The following CEP85L variants were observed in gnomAD, a reference collection of about 807,000 sequenced individuals.
The protein encoded by CEP85L is centrosomal protein 85L.
In CEP85L, 60 loss-of-function variants were observed where a neutral mutation model predicts 100.3. The ratio of observed to expected loss-of-function variants is 0.60; its 90% confidence interval spans 0.49 to 0.74. The LOEUF (loss-of-function observed/expected upper bound fraction) is 0.74, where lower values mean the gene tolerates loss of function less well. Ranked by LOEUF, CEP85L falls within the 30% of genes least tolerant of loss-of-function variation. The pLI is 0.00. For missense variants in CEP85L, 973 were observed against 936.2 expected (o/e 1.04, Z -0.51); for synonymous variants, 319 against 322.7 (o/e 0.99, Z 0.12).
At chr6:118,578,775 C>T (rs951372946) in intron 2 of CEP85L, among the ~76,000 whole-genome samples, 3 of 152,170 alleles carry the variant, frequency 2.0e-5, no homozygotes, top group Admixed American at 1.3e-4. Flanking sequence ...GGTGTGCTCT[C>T]GCGAGCGTGA....
chr6:118,591,301 A>G (rs1781176813), intron 2 of CEP85L, among the ~76,000 whole-genome samples: 1 of 152,054 alleles, frequency 6.6e-6, no homozygotes, highest in Admixed American at 6.5e-5. Context: ...CCAAGTAACA[A>G]AAGTACCAGA....
chr6:118,565,612 T>G lies in CEP85L; in HGVS notation c.937A>C (p.Asn313His). Residue 313 changes from asparagine to histidine, a missense_variant, in exon 3 of 13, where the codon AAT becomes CAT. Physicochemically the swap from Asn to His is moderately conservative, Grantham distance 68. Coordinates refer to ENST00000368491, the MANE Select transcript of CEP85L (RefSeq NM_001042475.3). Reference sequence around the variant, plus strand: ...GCTAAACTGTAAGAATCCTCTGTATTTCTACCTTCCAAAGGATTTGTCCGC... The same window carrying G: ...GCTAAACTGTAAGAATCCTCTGTATGTCTACCTTCCAAAGGATTTGTCCGC... ...QLRTNPLEGR[N>H]TEDSYSLAPW... The G allele has an allele frequency of 5.0e-6, 8 of 1,614,226 alleles. No homozygotes were observed. Among genetic ancestry groups the G allele is most frequent in the Non-Finnish European group, 6.8e-6 (8 of 1,180,018 alleles).
intron 2 of CEP85L, among the ~76,000 whole-genome samples, chr6:118,614,190 A>G (rs1772859538): frequency 6.6e-6 from 1 of 152,210 alleles, no homozygotes; most frequent in Non-Finnish European, 1.5e-5. Context: ...CATGATAAAA[A>G]CCCTCTGCAA....
At chr6:118,469,884 G>C (rs1268818459) in intron 11 of CEP85L, among the ~76,000 whole-genome samples, 1 of 152,148 alleles carries the variant, frequency 6.6e-6, no homozygotes, top group Non-Finnish European at 1.5e-5. Flanking sequence ...TAGGATTACA[G>C]GTGTGAGCCA....
chr6:118,470,921 T>C (rs915667783), intron 10 of CEP85L, among the ~76,000 whole-genome samples: 2 of 152,166 alleles, frequency 1.3e-5, no homozygotes, highest in Admixed American at 6.5e-5. Flanking sequence ...GTATAAAACA[T>C]GTCAAATCTG....
intron 3 of CEP85L, among the ~76,000 whole-genome samples, chr6:118,564,126 C>G (rs902775645): frequency 2.1e-5 from 3 of 140,070 alleles, no homozygotes; most frequent in Non-Finnish European, 3.3e-5. Flanking sequence ...AACCTCCCTA[C>G]CCTCCTCTGC....
intron 11 of CEP85L, 59 bp from the exon 12 acceptor site, chr6:118,469,362 C>T (rs977558330): frequency 1.3e-5 from 18 of 1,338,724 alleles, no homozygotes; most frequent in Non-Finnish European, 1.9e-5. Flanking sequence ...GTACTCAAAG[C>T]CATACAGGTT....
intron 2 of CEP85L, among the ~76,000 whole-genome samples, chr6:118,600,425 A>G (rs952309145): frequency 2.0e-5 from 3 of 146,962 alleles, no homozygotes; most frequent in Admixed American, 7.0e-5. Context: ...GGTTCAAGCA[A>G]TTCTCCTGTC....
In CEP85L at chr6:118,538,249, ATAATCT is replaced by A. The variant is rs1324810830; in HGVS notation, c.1021-14335_1021-14330del. On this transcript the variant is annotated intron_variant, in intron 3 of 12. Coordinates refer to ENST00000368491, the MANE Select transcript of CEP85L (RefSeq NM_001042475.3). ...TATATTATAGAAGAAACTGTTTTTA[ATAATCT>A]AATTATTTCTTCAATGTGTTTTTGT... Among the ~76,000 whole-genome samples, 3 of 152,180 alleles carry A rather than the reference ATAATCT, an allele frequency of 2.0e-5. No homozygotes were observed. The East Asian group carries it at 5.8e-4, about 29-fold the overall frequency.
chr6:118,621,387 G>C (rs968597323), intron 2 of CEP85L, among the ~76,000 whole-genome samples: 3 of 152,148 alleles, frequency 2.0e-5, no homozygotes, highest in African/African-American at 7.2e-5. Context: ...GCATTCCCCA[G>C]CACACTGACT....
At chr6:118,617,357 T>C (rs1175695937) in intron 2 of CEP85L, among the ~76,000 whole-genome samples, 2 of 152,240 alleles carry the variant, frequency 1.3e-5, no homozygotes, top group Admixed American at 1.3e-4. Context: ...AAAGATTAAC[T>C]GCCCATTTTT....
intron 1 of CEP85L, among the ~76,000 whole-genome samples, chr6:118,698,818 T>C (rs1287912326): frequency 6.6e-6 from 1 of 151,394 alleles, no homozygotes; most frequent in East Asian, 1.9e-4. Context: ...ATTACAATAA[T>C]TTTTTCAATG....
At chr6:118,608,666 G>A (rs1273241805) in intron 2 of CEP85L, among the ~76,000 whole-genome samples, 2 of 152,032 alleles carry the variant, frequency 1.3e-5, no homozygotes, top group South Asian at 2.1e-4. Context: ...TTAAAATGCT[G>A]TCTTTATATC....
Position 118,565,935 on chromosome 6 carries a change from T to A in CEP85L, c.614A>T (p.His205Leu). 1 of 1,614,210 alleles carries A rather than the reference T, an allele frequency of 6.2e-7. No homozygotes were observed. Among genetic ancestry groups the A allele is most frequent in the Non-Finnish European group, 8.5e-7 (1 of 1,180,032 alleles). ...TAACCTAAGCATCTCCATACTATCA[T>A]GTAAACAGCTAGGCCCAATTGTCCT... Reference protein sequence around the residue: ...QLRTIGPSCLHDSMEMLRLED... With the variant: ...QLRTIGPSCLLDSMEMLRLED... Residue 205 changes from histidine to leucine, a missense_variant, in exon 3 of 13, where the codon CAT becomes CTT. His to Leu is a moderately conservative substitution (Grantham distance 99). Around this residue, in one of 3 missense-constraint regions of CEP85L, gnomAD observed 890 missense variants for 844.5 expected, o/e 1.05. Transcript: ENST00000368491.
intron 2 of CEP85L, among the ~76,000 whole-genome samples, chr6:118,567,281 A>G (rs1779608700): frequency 7.8e-6 from 1 of 128,750 alleles, no homozygotes; most frequent in Admixed American, 8.0e-5. Flanking sequence ...ATATATATAT[A>G]TATATATCCA....
At chr6:118,615,414 T>C (rs1316382781) in intron 2 of CEP85L, among the ~76,000 whole-genome samples, 1 of 141,458 alleles carries the variant, frequency 7.1e-6, no homozygotes, top group Non-Finnish European at 1.5e-5. Flanking sequence ...GTACACATAA[T>C]AACTCTACCC....
chr6:118,473,207 G>T (rs1480615944), intron 10 of CEP85L, among the ~76,000 whole-genome samples: 3 of 152,148 alleles, frequency 2.0e-5, no homozygotes, highest in African/African-American at 7.2e-5. Flanking sequence ...CTTGGCCTTT[G>T]TGGAACTTTA....
At chr6:118,515,245 T>C (rs1354080257) in intron 4 of CEP85L, among the ~76,000 whole-genome samples, 3 of 152,096 alleles carry the variant, frequency 2.0e-5, no homozygotes, top group Non-Finnish European at 4.4e-5. Context: ...GCAAAAAAAC[T>C]GATAAAACAG....
At chr6:118,516,826 C>T (rs1470247384) in intron 4 of CEP85L, among the ~76,000 whole-genome samples, 2 of 152,176 alleles carry the variant, frequency 1.3e-5, no homozygotes, top group Non-Finnish European at 2.9e-5. Context: ...TTGCCCATGC[C>T]TATGTCCTGA....
Sources: gnomAD v4.1 joint callset for allele counts (sites outside exome capture counted in the v4.1 genomes callset) on GRCh38, gnomAD v4.1.1 for gene constraint, gnomAD v4.1.1 regional missense constraint, MANE v1.5 for transcripts, NCBI Gene and HGNC (gene_info 2026-07-23, HGNC 2026-07-21) for gene names.